Variants in SRRM3 observed in about 807,000 individuals in gnomAD.
The protein encoded by SRRM3 is serine/arginine repetitive matrix protein 3.
In SRRM3, 27 loss-of-function variants were observed where a neutral mutation model predicts 66.2. The ratio of observed to expected loss-of-function variants is 0.41; its 90% CI spans 0.30 to 0.56. The LOEUF is 0.56. Ranked by LOEUF, SRRM3 falls within the 20% of genes least tolerant of loss-of-function variation. The pLI is 0.32. For missense variants in SRRM3, 918 were observed against 991.9 expected, an observed-to-expected ratio of 0.93 and a Z score of 1.00; for synonymous variants, 391 against 414.9, an observed-to-expected ratio of 0.94 and a Z score of 0.70.
intron 1 of SRRM3, among the ~76,000 whole-genome samples, chr7:76,207,899 T>C (rs1227550474): frequency 6.6e-6 from 1 of 152,030 alleles, no homozygotes; most frequent in Non-Finnish European, 1.5e-5. Context: ...GAAATAAATA[T>C]TCTTCCAAAA....
intron 1 of SRRM3, among the ~76,000 whole-genome samples, chr7:76,208,791 C>T (rs575674317): frequency 6.1e-5 from 9 of 148,040 alleles, no homozygotes; most frequent in African/African-American, 1.3e-4. Context: ...GCTGAGATCA[C>T]GCCACTGCAC....
At chr7:76,260,821 C>T in intron 5 of SRRM3, 53 bp from the exon 6 acceptor site, 12 of 1,547,222 alleles carry the variant, frequency 7.8e-6, no homozygotes, top group Non-Finnish European at 1.0e-5. Context: ...TGTCTGGGGC[C>T]CCAACTAACC....
chr7:76,235,054 A>C lies in SRRM3; in HGVS notation c.-13A>C. ...GCCAGCGGCCCAGGCCAGCGGCTCC[A>C]GGGCCAGCCACGATGTCCTCCACCG... On this transcript the variant is annotated 5_prime_UTR_variant, in exon 2 of 15. Transcript: ENST00000611745. 1 of 1,555,428 alleles carries C rather than the reference A, an allele frequency of 6.4e-7. No individual in the cohort carries two copies.
intron 9 of SRRM3, among the ~76,000 whole-genome samples, 195 bp downstream of exon 9, chr7:76,265,010 C>T (rs1378743985): frequency 5.3e-5 from 8 of 152,116 alleles, no homozygotes; most frequent in Non-Finnish European, 1.0e-4. Flanking sequence ...TCTTGCCTTC[C>T]AATCCAGGGT....
chr7:76,216,876 G>T (rs1236595038), intron 1 of SRRM3, among the ~76,000 whole-genome samples: 1 of 152,214 alleles, frequency 6.6e-6, no homozygotes, highest in Non-Finnish European at 1.5e-5. Context: ...AGTCAGTGAT[G>T]CTCCAGCCCC....
intron 1 of SRRM3, among the ~76,000 whole-genome samples, chr7:76,214,796 A>G (rs1261841605): frequency 2.0e-5 from 3 of 151,918 alleles, no homozygotes; most frequent in Admixed American, 6.6e-5. Context: ...AAAAATAGAG[A>G]TGGGGTCTTG....
At chr7:76,281,262 G>C (rs1356449115) in intron 11 of SRRM3, among the ~76,000 whole-genome samples, 179 bp from the exon 12 acceptor site, 2 of 143,940 alleles carry the variant, frequency 1.4e-5, no homozygotes, top group Non-Finnish European at 3.1e-5. Flanking sequence ...CTGTCTCTCT[G>C]TCTCTCTCTC....
chr7:76,230,330 C>G (rs146093011), intron 1 of SRRM3, among the ~76,000 whole-genome samples: 8 of 151,958 alleles, frequency 5.3e-5, no homozygotes, highest in Non-Finnish European at 7.4e-5. Flanking sequence ...ATATTAGCAC[C>G]CACCAGGACA....
chr7:76,224,765 A>G (rs538502858), intron 1 of SRRM3, among the ~76,000 whole-genome samples: 2 of 152,290 alleles, frequency 1.3e-5, no homozygotes, highest in South Asian at 4.1e-4. Flanking sequence ...GAGGTTTGTC[A>G]CTGTGGCCGC....
intron 14 of SRRM3, chr7:76,283,899 G>T (rs554293516): frequency 3.0e-5 from 29 of 954,704 alleles, no homozygotes; most frequent in Admixed American, 6.1e-5. Context: ...CAGGGGGTTG[G>T]GGGGAACACA....
Position 76,283,117 on chromosome 7 carries a change from G to T in SRRM3, c.1733+16G>T, listed in dbSNP as rs182588662. 2,968 of 1,416,040 alleles carry T rather than the reference G, an allele frequency of 2.1e-3. 47 individuals are homozygous for T. In the African/African-American group the frequency reaches 0.035, roughly 17 times the overall value. 87.7% of individuals were successfully genotyped at this position (1,416,040 alleles called of 1,614,324 possible). A position where few individuals can be genotyped will look rare whatever the true frequency, so the allele number is the denominator to read the frequency against. On this transcript the variant is annotated intron_variant, in intron 14 of 14. Coordinates refer to ENST00000611745, the MANE Select transcript of SRRM3 (RefSeq NM_001110199.3). ...GCATCACCAGGTATGGAGGGTCTTG[G>T]GGGGGCCGGTGGCGCAGGGCTGGGG...
At chr7:76,214,377 C>A (rs1554602290) in intron 1 of SRRM3, among the ~76,000 whole-genome samples, 1 of 152,202 alleles carries the variant, frequency 6.6e-6, no homozygotes, top group Non-Finnish European at 1.5e-5. Context: ...CCCTCAGGAG[C>A]CGTGGGTTGT....
intron 12 of SRRM3, 31 bp downstream of exon 12, chr7:76,281,833 C>A: frequency 1.6e-6 from 2 of 1,274,532 alleles, no homozygotes; most frequent in Non-Finnish European, 2.0e-6. Flanking sequence ...GCTGGACTCC[C>A]GCCCCCACCC....
chr7:76,273,333 T>G (rs1473360256), intron 11 of SRRM3: 1 of 152,122 alleles, frequency 6.6e-6, no homozygotes, highest in African/African-American at 2.4e-5. Context: ...TATGGAGGTT[T>G]TCTGTTGTTT....
At chr7:76,261,447 C>T in intron 7 of SRRM3, 33 bp downstream of exon 7, 1 of 1,600,416 alleles carries the variant, frequency 6.2e-7, no homozygotes, top group South Asian at 1.1e-5. Flanking sequence ...GGGGCCTCCT[C>T]TTCCTCCCGT....
chr7:76,239,034 T>G (rs1453826085), intron 2 of SRRM3, among the ~76,000 whole-genome samples: 7 of 151,510 alleles, frequency 4.6e-5, no homozygotes, highest in African/African-American at 1.5e-4. Flanking sequence ...TCTTGGAGCT[T>G]TGTTTGTTTT....
intron 2 of SRRM3, among the ~76,000 whole-genome samples, chr7:76,245,109 T>C (rs577921683): frequency 8.5e-5 from 13 of 152,362 alleles, no homozygotes; most frequent in African/African-American, 3.1e-4. Context: ...GAGGCATCCA[T>C]CTTACTGTAA....
chr7:76,281,171 C>G lies in SRRM3; in HGVS notation c.1009-270C>G, dbSNP rs116424037. Among the ~76,000 whole-genome samples the G allele has an allele frequency of 4.7e-3, 707 of 150,850 alleles. 4 individuals are homozygous for G. Among genetic ancestry groups the G allele is most frequent in the African/African-American group, 0.017 (685 of 40,968 alleles). On this transcript the variant is annotated intron_variant, in intron 11 of 14. Coordinates refer to ENST00000611745, the MANE Select transcript of SRRM3 (RefSeq NM_001110199.3). ...CCCTCTCTCCCTCTTTCTTTCTTCT[C>G]TCTGTCTTTCCTCTCTCCCTCTCTC...
intron 1 of SRRM3, among the ~76,000 whole-genome samples, chr7:76,211,927 C>T (rs868908856): frequency 4.0e-5 from 6 of 150,520 alleles, no homozygotes; most frequent in Admixed American, 2.0e-4. Flanking sequence ...GCAGCTTCCA[C>T]CTTCTAGGCT....
Sources: allele counts gnomAD v4.1 joint callset (sites outside exome capture counted in the v4.1 genomes callset), GRCh38; gene constraint gnomAD v4.1.1; transcripts MANE v1.5; gene names NCBI Gene and HGNC (gene_info 2026-07-23, HGNC 2026-07-21).